Variants in RUNX1 observed in about 807,000 individuals in gnomAD.
RUNX1 encodes RUNX family transcription factor 1.
A neutral mutation model predicts 42.8 loss-of-function variants in RUNX1; 19 were observed. That is an observed-to-expected ratio of 0.44 (90% CI 0.31 to 0.65). The LOEUF (loss-of-function observed/expected upper bound fraction) is 0.65. RUNX1 is among the 30% of genes least tolerant of loss of function. The pLI is 0.07. For synonymous variants in RUNX1, 271 were observed against 289.4 expected (o/e 0.94, Z 0.64); for missense variants, 528 against 672.0 (o/e 0.79, Z 2.37).
intron 2 of RUNX1, among the ~76,000 whole-genome samples, chr21:34,931,816 A>C (rs1266252386): frequency 1.3e-5 from 2 of 151,884 alleles, no homozygotes; most frequent in African/African-American, 2.4e-5. Flanking sequence ...TAAAGAATGA[A>C]GCTTGTGGAG....
In RUNX1 at chr21:34,791,938, C is replaced by T. The variant is rs1416922766; in HGVS notation, c.*197G>A. ...GGGCCGGGGCGCCAGCAGACGGCGG[C>T]GGCGTGGGCTTCTGGGCGCAGGAGG... On this transcript the variant is annotated 3_prime_UTR_variant, in exon 9 of 9. Coordinates refer to ENST00000675419, the MANE Select transcript of RUNX1 (RefSeq NM_001754.5). 5.7e-6 allele frequency: 2 copies of T among 349,248 alleles called. No homozygotes were observed. Among genetic ancestry groups the T allele is most frequent in the South Asian group, 3.8e-5 (1 of 26,530 alleles). The allele number at this position is 349,248 out of a possible 1,614,324, so 21.6% of individuals were successfully genotyped here. A position where few individuals can be genotyped will look rare whatever the true frequency, so the allele number is the denominator to read the frequency against.
At chr21:34,980,463 C>T (rs1486045420) in intron 2 of RUNX1, among the ~76,000 whole-genome samples, 1 of 152,206 alleles carries the variant, frequency 6.6e-6, no homozygotes, top group Non-Finnish European at 1.5e-5. Context: ...TTAAATAGCA[C>T]CCATGTTTGG....
At chr21:34,887,978 T>C in intron 3 of RUNX1, 1 of 1,066,084 alleles carries the variant, frequency 9.4e-7, no homozygotes, top group Non-Finnish European at 1.1e-6. Flanking sequence ...TCGATGACAC[T>C]CAGGGTTCTA....
intron 2 of RUNX1, among the ~76,000 whole-genome samples, chr21:35,008,904 G>T (rs1220697759): frequency 6.6e-6 from 1 of 152,152 alleles, no homozygotes; most frequent in African/African-American, 2.4e-5. Context: ...GATCCAAAGG[G>T]AAGAAAGGTA....
intron 2 of RUNX1, among the ~76,000 whole-genome samples, chr21:34,925,226 C>T (rs2058384317): frequency 6.6e-6 from 1 of 152,176 alleles, no homozygotes; most frequent in Admixed American, 6.5e-5. Flanking sequence ...CATAATTATA[C>T]AGGTCTTTCA....
At chr21:35,046,339 A>T (rs2059396024) in intron 2 of RUNX1, among the ~76,000 whole-genome samples, 1 of 152,208 alleles carries the variant, frequency 6.6e-6, no homozygotes, top group African/African-American at 2.4e-5. Flanking sequence ...CCACATGGGT[A>T]TCTGGCTAAA....
rs528631909 is a variant in RUNX1, at chr21:34,846,640, G to A, written c.614-12039C>T. Among the ~76,000 whole-genome samples, 3 of 152,190 alleles carry A rather than the reference G, an allele frequency of 2.0e-5. No homozygotes were observed. The South Asian group carries it at 6.2e-4, about 32-fold the overall frequency. On this transcript the variant is annotated intron_variant, in intron 6 of 8. Coordinates refer to ENST00000675419, the MANE Select transcript of RUNX1 (RefSeq NM_001754.5). ...AGACATAGACTCCACGGGCAGGCCC[G>A]CAGTCTTTCCACCAGGTCAGGCCAC... is the stretch of plus-strand genomic sequence containing the variant.
chr21:34,904,728 C>T (rs2058204087), intron 2 of RUNX1, among the ~76,000 whole-genome samples: 1 of 152,064 alleles, frequency 6.6e-6, no homozygotes, highest in South Asian at 2.1e-4. Flanking sequence ...GGTAAGTTCT[C>T]AAGGGGGGCC....
intron 2 of RUNX1, among the ~76,000 whole-genome samples, chr21:34,930,268 A>ATGTGTATG (rs141115974): frequency 8.2e-6 from 1 of 121,278 alleles, no homozygotes; most frequent in African/African-American, 4.0e-5. Flanking sequence ...GTGTGTGTGT[A>ATGTGTATG]TGTATATATA....
intron 5 of RUNX1, among the ~76,000 whole-genome samples, chr21:34,871,677 C>T (rs867027642): frequency 7.2e-5 from 11 of 152,096 alleles, no homozygotes; most frequent in South Asian, 4.1e-4. Flanking sequence ...CATCTGTCTG[C>T]GGGTGGCATC....
rs574140499 is a variant in RUNX1 at position 34,992,740 on chromosome 21, T to C, written c.58+56102A>G. On this transcript the variant is annotated intron_variant, in intron 2 of 8. Transcript: ENST00000675419. ...GGATGGCGATGCCCTTTGGCCATGT[T>C]CACTGCTGCATATCCACACAAACGC... is the stretch of plus-strand genomic sequence containing the variant. Among the ~76,000 whole-genome samples the C allele has an allele frequency of 2.6e-5, 4 of 150,970 alleles. No homozygotes were observed. The South Asian group carries it at 8.4e-4, about 32-fold the overall frequency.
At chr21:34,872,493 TA>T (rs553269413) in intron 5 of RUNX1, among the ~76,000 whole-genome samples, 108 of 152,306 alleles carry the variant, frequency 7.1e-4, no homozygotes, top group Middle Eastern at 3.4e-3. Flanking sequence ...GTTTTCCCTT[TA>T]AAAAAAACTT....
At chr21:34,910,501 T>C (rs1476350272) in intron 2 of RUNX1, among the ~76,000 whole-genome samples, 27 of 152,150 alleles carry the variant, frequency 1.8e-4, no homozygotes. Context: ...CAAAAGCCAC[T>C]GTCGGTTGCC....
chr21:34,972,365 C>T (rs1473443788), intron 2 of RUNX1, among the ~76,000 whole-genome samples: 5 of 152,142 alleles, frequency 3.3e-5, no homozygotes, highest in Non-Finnish European at 7.4e-5. Flanking sequence ...TGACAAATAA[C>T]CTCTGGAAGT....
chr21:34,853,978 G>A (rs903874088), intron 6 of RUNX1, among the ~76,000 whole-genome samples: 5 of 151,936 alleles, frequency 3.3e-5, no homozygotes, highest in East Asian at 1.9e-4. Flanking sequence ...ACACCAGGCC[G>A]ATTTTTGTAT....
At chr21:35,019,151 G>A (rs967247169) in intron 2 of RUNX1, among the ~76,000 whole-genome samples, 61 of 152,262 alleles carry the variant, frequency 4.0e-4, no homozygotes, top group African/African-American at 1.4e-3. Context: ...TTCTAACACT[G>A]CATCCCCTTC....
intron 2 of RUNX1, among the ~76,000 whole-genome samples, chr21:35,011,076 T>C (rs903487316): frequency 6.6e-6 from 1 of 151,592 alleles, no homozygotes; most frequent in African/African-American, 2.4e-5. Flanking sequence ...CCAGAGTCGA[T>C]TTGCTAGTAG....
At chr21:34,913,371 C>T (rs2058287765) in intron 2 of RUNX1, among the ~76,000 whole-genome samples, 1 of 152,122 alleles carries the variant, frequency 6.6e-6, no homozygotes, top group Non-Finnish European at 1.5e-5. Context: ...TGATGCGGGG[C>T]TGTTCACCCA....
intron 2 of RUNX1, among the ~76,000 whole-genome samples, chr21:34,936,991 AACAG>A (rs1317330075): frequency 3.9e-5 from 6 of 152,186 alleles, no homozygotes; most frequent in Admixed American, 1.3e-4. Context: ...CTCTGCACAG[AACAG>A]ACAGAGGGGA....
Sources: gnomAD v4.1 joint callset for allele counts (sites outside exome capture counted in the v4.1 genomes callset) on GRCh38, gnomAD v4.1.1 for gene constraint, MANE v1.5 for transcripts, NCBI Gene and HGNC (gene_info 2026-07-23, HGNC 2026-07-21) for gene names.